Variants in ANKRD30A observed in about 807,000 individuals in gnomAD.
ANKRD30A encodes ankyrin repeat domain 30A.
Under a neutral mutation model 166.3 loss-of-function variants are expected in ANKRD30A, and 170 were observed. The ratio of observed to expected loss-of-function variants is 1.02; its 90% CI spans 0.90 to 1.16. The LOEUF (loss-of-function observed/expected upper bound fraction) is 1.16, where lower values mean the gene tolerates loss of function less well. Among genes scored for constraint, ANKRD30A ranks in the 50% most tolerant of loss-of-function variants. ANKRD30A has a pLI of 0.00. For synonymous variants in ANKRD30A, 564 were observed against 508.9 expected (o/e 1.11, Z -1.46); for missense variants, 1,630 against 1,518.0 (o/e 1.07, Z -1.23).
chr10:37,171,727 C>G (rs772212639), intron 21 of ANKRD30A, among the ~76,000 whole-genome samples: 1 of 151,118 alleles, frequency 6.6e-6, no homozygotes, highest in South Asian at 2.1e-4. Context: ...ATAAATCAAA[C>G]AAAATCAAAC....
intron 4 of ANKRD30A, among the ~76,000 whole-genome samples, chr10:37,132,898 G>T (rs997581362): frequency 2.0e-5 from 3 of 152,078 alleles, no homozygotes; most frequent in African/African-American, 7.2e-5. Context: ...CTCTGTGGGG[G>T]GCTGAGGCAC....
chr10:37,214,548 A>G (rs1474190182), intron 31 of ANKRD30A, among the ~76,000 whole-genome samples: 2 of 148,494 alleles, frequency 1.3e-5, no homozygotes, highest in East Asian at 3.9e-4. Context: ...AGGTATATAT[A>G]TATATATATA....
chr10:37,130,207 T>G lies in ANKRD30A; in HGVS notation c.339T>G (p.Ala113=). 1 of 1,579,360 alleles carries G rather than the reference T, an allele frequency of 6.3e-7. No individual in the cohort carries two copies. Among genetic ancestry groups the G allele is most frequent in the African/African-American group, 1.4e-5 (1 of 72,492 alleles). Residue 113 remains alanine (A), a splice_region_variant and synonymous_variant, in exon 3 of 36, where the codon GCT becomes GCG. Transcript: ENST00000361713. Reference sequence around the variant, plus strand: ...AATTCTTGCTTTAATACTGACAGGCTCTACAATGCCATCAGGAGGCTTGTG... The same window carrying G: ...AATTCTTGCTTTAATACTGACAGGCGCTACAATGCCATCAGGAGGCTTGTG... The part of the protein sequence containing the change: ...DGEHRTPLMK[A]LQCHQEACAN...
the ANKRD30A span, among the ~76,000 whole-genome samples, chr10:37,264,215 T>C: frequency 6.6e-6 from 1 of 152,156 alleles, no homozygotes. Context: ...CAGCCTTAGG[T>C]TGGAGCAAAC....
In ANKRD30A at chr10:37,136,594, TTTTTA is replaced by T. The variant is rs1228685004; in HGVS notation, c.756-11_756-7del. The stretch of plus-strand genomic sequence containing the variant: ...TAAAATGGTAATTTTATTTATCACA[TTTTTA>T]TACATAGCATTCATGAACAAATTAT... On this transcript the variant is annotated splice_region_variant and splice_polypyrimidine_tract_variant and intron_variant, in intron 5 of 35. Transcript: ENST00000361713. The T allele has an allele frequency of 7.4e-6, 9 of 1,223,276 alleles. No homozygotes were observed. Among genetic ancestry groups the T allele is most frequent in the Non-Finnish European group, 1.0e-5 (9 of 871,082 alleles). 75.8% of individuals were successfully genotyped at this position (1,223,276 alleles called of 1,614,324 possible).
intron 13 of ANKRD30A, among the ~76,000 whole-genome samples, chr10:37,158,031 G>C (rs1838517866): frequency 1.3e-5 from 2 of 151,976 alleles, no homozygotes; most frequent in African/African-American, 4.8e-5. Context: ...CATTTATTCT[G>C]TTTTGGTGGG....
chr10:37,161,708 G>T (rs1838889292), intron 15 of ANKRD30A, among the ~76,000 whole-genome samples: 1 of 152,064 alleles, frequency 6.6e-6, no homozygotes, highest in Non-Finnish European at 1.5e-5. Flanking sequence ...TTACAATCAG[G>T]GAAGACAAAT....
chr10:37,159,696 A>C (rs1178251161), intron 15 of ANKRD30A, among the ~76,000 whole-genome samples: 1 of 150,660 alleles, frequency 6.6e-6, no homozygotes, highest in Non-Finnish European at 1.5e-5. Flanking sequence ...TTTTTTCTTC[A>C]GTTTTTTTGT....
At chr10:37,151,802 T>C (rs930578487) in intron 11 of ANKRD30A, among the ~76,000 whole-genome samples, 1 of 152,122 alleles carries the variant, frequency 6.6e-6, no homozygotes, top group African/African-American at 2.4e-5. Flanking sequence ...TATGACTGCT[T>C]TATGAAGAAA....
In ANKRD30A at chr10:37,201,252, T is replaced by C. The variant is rs780724450; in HGVS notation, c.2796T>C (p.Val932=). ...SWDSESLRET[V]SQKDVCVPKA... ...TTTAACAGAGTCTCCGTGAGACTGT[T>C]TCACAGAAGGATGTGTGTGTACCCA... The change falls in exon 31 of 36, where the codon GTT becomes GTC. Residue 932 remains valine, a synonymous_variant. Coordinates refer to ENST00000361713, the MANE Select transcript of ANKRD30A (RefSeq NM_052997.3). 6.3e-7 allele frequency: 1 copy of C among 1,585,702 alleles called. No homozygotes were observed. The highest frequency in any genetic ancestry group is 8.6e-7 in the Non-Finnish European group (1 of 1,168,828).
intron 34 of ANKRD30A, among the ~76,000 whole-genome samples, chr10:37,229,173 T>C (rs1218328331): frequency 1.3e-5 from 2 of 151,986 alleles, no homozygotes; most frequent in Admixed American, 1.3e-4. Flanking sequence ...TGGAATATGG[T>C]AAGAGGTATA....
intron 32 of ANKRD30A, among the ~76,000 whole-genome samples, chr10:37,216,960 G>A (rs1842635705): frequency 6.6e-6 from 1 of 151,068 alleles, no homozygotes; most frequent in African/African-American, 2.4e-5. Context: ...TAAAGAAAAT[G>A]TATAATAATT....
chr10:37,134,166 T>A, intron 5 of ANKRD30A, 113 bp downstream of exon 5: 4 of 1,247,202 alleles, frequency 3.2e-6, no homozygotes, highest in Non-Finnish European at 4.5e-6. Context: ...GCTAGACTAG[T>A]TAGAAGGAGT....
chr10:37,163,192 C>T (rs535049253), intron 17 of ANKRD30A, among the ~76,000 whole-genome samples: 13 of 132,478 alleles, frequency 9.8e-5, no homozygotes, highest in East Asian at 6.7e-4. Context: ...TCAAATTCCA[C>T]GGTTTACTTC....
At chr10:37,161,175 T>A (rs1838829401) in intron 15 of ANKRD30A, among the ~76,000 whole-genome samples, 1 of 152,200 alleles carries the variant, frequency 6.6e-6, no homozygotes, top group South Asian at 2.1e-4. Flanking sequence ...TCCTTGGAGC[T>A]TGCTCTGAGT....
the ANKRD30A span, among the ~76,000 whole-genome samples, chr10:37,263,034 T>C: frequency 1.3e-5 from 2 of 152,096 alleles, no homozygotes; most frequent in African/African-American, 4.8e-5. Flanking sequence ...AAAATTATTG[T>C]TTATGATTAA....
At chr10:37,233,413 A>C (rs1843539704), downstream of ANKRD30A, among the ~76,000 whole-genome samples, 1 of 152,156 alleles carries the variant, frequency 6.6e-6, no homozygotes, top group Non-Finnish European at 1.5e-5. Flanking sequence ...GTTTTTTTCC[A>C]GAATAATCAG....
chr10:37,190,381 A>G (rs946990236), intron 25 of ANKRD30A, among the ~76,000 whole-genome samples: 3 of 151,930 alleles, frequency 2.0e-5, no homozygotes, highest in African/African-American at 7.3e-5. Context: ...AGGACAGAAA[A>G]GGTCAGGAGA....
At chr10:37,202,225 T>G (rs1841669716) in intron 31 of ANKRD30A, among the ~76,000 whole-genome samples, 1 of 151,618 alleles carries the variant, frequency 6.6e-6, no homozygotes. Context: ...GCAATAGAAA[T>G]TGTAGATGGA....
Sources: allele counts gnomAD v4.1 joint callset (sites outside exome capture counted in the v4.1 genomes callset), GRCh38; gene constraint gnomAD v4.1.1; transcripts MANE v1.5; gene names NCBI Gene and HGNC (gene_info 2026-07-23, HGNC 2026-07-21).